The following CHRM3 variants were observed in gnomAD, a reference collection of about 807,000 sequenced individuals.
The protein encoded by CHRM3 is muscarinic acetylcholine receptor M3.
CHRM3 carries 11 observed loss-of-function variants against 41.8 expected under a neutral mutation model. The ratio of observed to expected loss-of-function variants is 0.26; its 90% CI spans 0.17 to 0.44. CHRM3 has a LOEUF of 0.44. Ranked by LOEUF, CHRM3 falls within the 20% of genes least tolerant of loss-of-function variation. The pLI is 1.00. For missense variants in CHRM3, 571 were observed against 745.4 expected (o/e 0.77, Z 2.72); for synonymous variants, 297 against 301.4 (o/e 0.99, Z 0.15).
intron 3 of CHRM3, among the ~76,000 whole-genome samples, chr1:239,576,303 G>T (rs1277861333): frequency 6.6e-6 from 1 of 151,916 alleles, no homozygotes; most frequent in Admixed American, 6.6e-5. Context: ...TAAGTTAATG[G>T]CACTTACACG....
At chr1:239,764,145 C>G (rs1400644366) in intron 5 of CHRM3, among the ~76,000 whole-genome samples, 1 of 151,656 alleles carries the variant, frequency 6.6e-6, no homozygotes, top group Non-Finnish European at 1.5e-5. Flanking sequence ...GCTGATGATA[C>G]TTCCAACTTT....
chr1:239,630,009 T>C (rs1193325525), intron 3 of CHRM3, among the ~76,000 whole-genome samples: 1 of 152,228 alleles, frequency 6.6e-6, no homozygotes, highest in Non-Finnish European at 1.5e-5. Context: ...TAATTTTCAA[T>C]AGAATGAATC....
At chr1:239,570,123 A>G (rs772472331) in intron 3 of CHRM3, among the ~76,000 whole-genome samples, 3 of 152,076 alleles carry the variant, frequency 2.0e-5, no homozygotes, top group Admixed American at 1.3e-4. Flanking sequence ...ATGTCGAGGG[A>G]GGGTCCTGGT....
intron 2 of CHRM3, among the ~76,000 whole-genome samples, chr1:239,537,479 C>G (rs1658317268): frequency 6.6e-6 from 1 of 152,010 alleles, no homozygotes; most frequent in Non-Finnish European, 1.5e-5. Flanking sequence ...GAGGGATCCG[C>G]CCCCATGAAC....
chr1:239,882,632 T>C lies in CHRM3; in HGVS notation c.-19-24801T>C, dbSNP rs143230390. 7.9e-5 allele frequency among the ~76,000 whole-genome samples: 12 copies of C among 152,322 alleles called. No individual in the cohort carries two copies. In the East Asian group the frequency reaches 2.1e-3, roughly 27 times the overall value. On this transcript the variant is annotated intron_variant, in intron 6 of 6. Coordinates refer to ENST00000676153, the MANE Select transcript of CHRM3 (RefSeq NM_001375978.1). ...GAAAAGATGTGAATGGCACAATTGC[T>C]AACTGGCATGGATGCATTAAGAAGG...
chr1:239,637,169 G>C (rs1220354255), intron 4 of CHRM3, among the ~76,000 whole-genome samples: 1 of 152,028 alleles, frequency 6.6e-6, no homozygotes, highest in Admixed American at 6.6e-5. Flanking sequence ...ATGATGACCT[G>C]TAATTCTTGA....
intron 1 of CHRM3, among the ~76,000 whole-genome samples, chr1:239,462,856 G>C (rs1665458342): frequency 6.6e-6 from 1 of 152,180 alleles, no homozygotes. Flanking sequence ...TACACTGTTA[G>C]TGCAGACATT....
At chr1:239,557,640 C>T (rs1181010776) in intron 3 of CHRM3, among the ~76,000 whole-genome samples, 2 of 152,124 alleles carry the variant, frequency 1.3e-5, no homozygotes, top group Non-Finnish European at 2.9e-5. Context: ...CCCACCGCTC[C>T]ACCGTCCCCC....
chr1:239,610,966 C>T (rs1055245128), intron 3 of CHRM3, among the ~76,000 whole-genome samples: 25 of 152,176 alleles, frequency 1.6e-4, no homozygotes, highest in African/African-American at 5.3e-4. Flanking sequence ...GCAGGAGAAT[C>T]GCTTGAACCG....
intron 1 of CHRM3, among the ~76,000 whole-genome samples, chr1:239,414,729 C>T (rs1320103943): frequency 3.3e-5 from 5 of 152,182 alleles, no homozygotes; most frequent in Admixed American, 1.3e-4. Context: ...GCGTGCTGGT[C>T]AGTTTCTTAG....
chr1:239,707,519 T>G, intron 5 of CHRM3: 1 of 152,174 alleles, frequency 6.6e-6, no homozygotes, highest in Non-Finnish European at 1.5e-5. Flanking sequence ...AATATACACT[T>G]TCATGTGAAT....
chr1:239,797,941 C>T (rs1002781765), intron 5 of CHRM3, among the ~76,000 whole-genome samples: 4 of 152,024 alleles, frequency 2.6e-5, no homozygotes, highest in Non-Finnish European at 4.4e-5. Context: ...CGCAGCTACT[C>T]GGGAGACTGA....
chr1:239,432,584 G>C (rs574759598), intron 1 of CHRM3, among the ~76,000 whole-genome samples: 10 of 152,154 alleles, frequency 6.6e-5, no homozygotes, highest in Non-Finnish European at 1.5e-4. Context: ...TAAGTGCTGT[G>C]CTAGGATATT....
intron 1 of CHRM3, among the ~76,000 whole-genome samples, chr1:239,487,250 C>A (rs1272243977): frequency 1.3e-5 from 2 of 151,838 alleles, no homozygotes; most frequent in Non-Finnish European, 2.9e-5. Flanking sequence ...CATTGAAACC[C>A]CTAATAAAAA....
At chr1:239,850,300 T>A (rs1280607495) in intron 6 of CHRM3, among the ~76,000 whole-genome samples, 1 of 152,194 alleles carries the variant, frequency 6.6e-6, no homozygotes, top group African/African-American at 2.4e-5. Flanking sequence ...ATCATAAAGA[T>A]CTTCATCCTC....
At chr1:239,833,128 G>A (rs770435610) in intron 6 of CHRM3, among the ~76,000 whole-genome samples, 2 of 152,200 alleles carry the variant, frequency 1.3e-5, no homozygotes, top group Non-Finnish European at 2.9e-5. Flanking sequence ...TGAAGCTGCA[G>A]TTCAGTACTG....
At chr1:239,584,831 T>G (rs889754553) in intron 3 of CHRM3, among the ~76,000 whole-genome samples, 3 of 152,128 alleles carry the variant, frequency 2.0e-5, no homozygotes, top group Admixed American at 1.3e-4. Flanking sequence ...CGTCTGTTGG[T>G]TATATGGACA....
chr1:239,866,120 G>A (rs946127498), intron 6 of CHRM3, among the ~76,000 whole-genome samples: 6 of 152,152 alleles, frequency 3.9e-5, no homozygotes, highest in African/African-American at 1.4e-4. Context: ...GCTCACGCCT[G>A]CAATCTCAGC....
chr1:239,892,352 G>A (rs1374441073), intron 6 of CHRM3, among the ~76,000 whole-genome samples: 5 of 152,022 alleles, frequency 3.3e-5, no homozygotes, highest in Non-Finnish European at 7.4e-5. Flanking sequence ...ACAGATAGGT[G>A]GTACTTTCAT....
Sources: allele counts gnomAD v4.1 joint callset (sites outside exome capture counted in the v4.1 genomes callset), GRCh38; gene constraint gnomAD v4.1.1; transcripts MANE v1.5; gene names NCBI Gene and HGNC (gene_info 2026-07-23, HGNC 2026-07-21).